The following CATSPERG variants were observed in gnomAD, a reference collection of about 807,000 sequenced individuals.
CATSPERG encodes the protein cation channel sperm-associated auxiliary subunit gamma.
CATSPERG carries 115 observed loss-of-function variants against 145.0 expected under a neutral mutation model. That is an observed-to-expected ratio of 0.79 (90% CI 0.68 to 0.93). The LOEUF (loss-of-function observed/expected upper bound fraction) is 0.93. Among genes scored for constraint, CATSPERG ranks in the 40% least tolerant of loss-of-function variants. CATSPERG has a pLI of 0.00. For synonymous variants in CATSPERG, 588 were observed against 589.0 expected (o/e 1.00, Z 0.02); for missense variants, 1,296 against 1,490.1 (o/e 0.87, Z 2.14).
intron 3 of CATSPERG, among the ~76,000 whole-genome samples, chr19:38,340,714 G>A (rs1333234842): frequency 6.6e-6 from 1 of 151,922 alleles, no homozygotes; most frequent in Non-Finnish European, 1.5e-5. Context: ...CGACCTCCTG[G>A]GCTGAAGTGA....
chr19:38,346,075 T>A (rs1233172405), intron 6 of CATSPERG, among the ~76,000 whole-genome samples: 1 of 151,666 alleles, frequency 6.6e-6, no homozygotes, highest in Non-Finnish European at 1.5e-5. Flanking sequence ...GCAACGGGAG[T>A]TGGGTCTGTG....
chr19:38,336,898 TG>T, intron 1 of CATSPERG: 1 of 439,612 alleles, frequency 2.3e-6, no homozygotes, highest in South Asian at 2.2e-5. Context: ...TTAGTAGGGC[TG>T]GGGCCCGGAG....
intron 4 of CATSPERG, 120 bp from the exon 5 acceptor site, chr19:38,343,873 G>T (rs1969979555): frequency 7.1e-7 from 1 of 1,417,576 alleles, no homozygotes; most frequent in Admixed American, 2.1e-5. Context: ...AGAGGCCCCA[G>T]TGGGACCCAT....
chr19:38,360,812 C>T lies in CATSPERG; in HGVS notation c.1849C>T (p.His617Tyr), dbSNP rs749162027. The T allele has an allele frequency of 1.3e-5, 21 of 1,607,014 alleles. No individual in the cohort carries two copies. The highest frequency in any genetic ancestry group is 1.7e-5 in the Admixed American group (1 of 58,316). ...PVEQLLMYQQ[H>Y]TSHYDLERKG... ...GGAGCAGCTTCTGATGTATCAACAG[C>T]ACACCAGCCACTATGACTTGGAGCG... Residue 617 changes from histidine (H) to tyrosine (Y), a missense_variant, in exon 16 of 29, where the codon CAC becomes TAC. His to Tyr is a moderately conservative substitution (Grantham distance 83, BLOSUM62 2). Coordinates refer to ENST00000409235, the MANE Select transcript of CATSPERG (RefSeq NM_021185.5).
chr19:38,346,835 G>A (rs1045406467), intron 7 of CATSPERG, among the ~76,000 whole-genome samples: 6 of 152,160 alleles, frequency 3.9e-5, no homozygotes, highest in African/African-American at 9.7e-5. Context: ...GCAGTTCAAC[G>A]ACCCGGTCTT....
intron 7 of CATSPERG, among the ~76,000 whole-genome samples, chr19:38,347,109 G>A (rs756388789): frequency 1.6e-4 from 25 of 152,186 alleles, no homozygotes; most frequent in Non-Finnish European, 3.7e-4. Context: ...TGCTCAGAAG[G>A]CTGAAGCAGG....
At chr19:38,354,674 C>G (rs751325046) in intron 8 of CATSPERG, 36 bp from the exon 9 acceptor site, 2 of 1,608,042 alleles carry the variant, frequency 1.2e-6, no homozygotes, top group Non-Finnish European at 8.5e-7. Flanking sequence ...CCAGATCCAA[C>G]CACCTGGGTC....
At position 38,337,494 on chromosome 19, in the gene CATSPERG, A is replaced by G. The variant is rs1402288039; in HGVS notation, c.260A>G (p.Asp87Gly). The G allele has an allele frequency of 6.4e-7, 1 of 1,551,966 alleles. No homozygotes were observed. The highest frequency in any genetic ancestry group is 1.2e-5 in the South Asian group (1 of 84,056). ...LFHMLVDSPI[D>G]PSEKYLGFPY... ...CACATGCTGGTGGACTCACCCATCG[A>G]CCCGAGCGAGGTGAGGGGACCAGGG... The change falls in exon 2 of 29, where the codon GAC becomes GGC. Residue 87 changes from aspartate (D) to glycine (G), a missense_variant. By Grantham distance (94) the Asp-to-Gly change is moderately conservative. Coordinates refer to ENST00000409235, the MANE Select transcript of CATSPERG (RefSeq NM_021185.5).
intron 25 of CATSPERG, 74 bp downstream of exon 25, chr19:38,367,850 C>T (rs1970481121): frequency 1.4e-6 from 2 of 1,418,356 alleles, no homozygotes; most frequent in African/African-American, 2.8e-5. Context: ...AAGCCAAGCC[C>T]ACCTCGCAAG....
At chr19:38,367,813 CTT>C in intron 25 of CATSPERG, 37 bp downstream of exon 25, 1 of 1,589,330 alleles carries the variant, frequency 6.3e-7, no homozygotes, top group Non-Finnish European at 8.6e-7. Context: ...ATCCACCTTG[CTT>C]CCCCTGGAGG....
intron 17 of CATSPERG, 131 bp downstream of exon 17, chr19:38,361,992 G>GGGGGGT: frequency 5.8e-6 from 2 of 347,386 alleles, no homozygotes; most frequent in Non-Finnish European, 1.1e-5. Context: ...GTGGGCGGGG[G>GGGGGGT]ACCTGGGGGC....
intron 7 of CATSPERG, among the ~76,000 whole-genome samples, chr19:38,348,021 T>G (rs1970069826): frequency 6.6e-6 from 1 of 152,064 alleles, no homozygotes; most frequent in Non-Finnish European, 1.5e-5. Flanking sequence ...GGATCCCACG[T>G]GGATTAGTAT....
In CATSPERG at chr19:38,356,941, T is replaced by C. The variant is rs1444819951; in HGVS notation, c.1315+80T>C. 1.1e-5 allele frequency: 17 copies of C among 1,560,224 alleles called. No homozygotes were observed. In the East Asian group the frequency reaches 2.7e-4, roughly 25 times the overall value. ...GACTGCATGCCCATCCTGAGGGATC[T>C]GTGCCCAGCAGACAGAGGGAGGGCA... On this transcript the variant is annotated intron_variant, in intron 11 of 28. Coordinates refer to ENST00000409235, the MANE Select transcript of CATSPERG (RefSeq NM_021185.5).
At chr19:38,348,474 T>G (rs938664869) in intron 7 of CATSPERG, among the ~76,000 whole-genome samples, 15 of 146,898 alleles carry the variant, frequency 1.0e-4, no homozygotes, top group African/African-American at 3.1e-4. Context: ...GTTTTTTTTT[T>G]TTGTTTTTTT....
At chr19:38,369,737 A>ATCTG in intron 26 of CATSPERG, 1 of 570,120 alleles carries the variant, frequency 1.8e-6, no homozygotes, top group South Asian at 1.9e-5. Flanking sequence ...GCACAGTGAC[A>ATCTG]GAGGAATTGA....
intron 23 of CATSPERG, 57 bp from the exon 24 acceptor site, chr19:38,367,452 A>G (rs1350358034): frequency 1.9e-6 from 3 of 1,585,524 alleles, no homozygotes; most frequent in Non-Finnish European, 1.7e-6. Flanking sequence ...CTCGGTCCTC[A>G]GCTTCTCGGG....
intron 9 of CATSPERG, 44 bp from the exon 10 acceptor site, chr19:38,356,440 C>CAGG: frequency 6.3e-7 from 1 of 1,597,470 alleles, no homozygotes; most frequent in Non-Finnish European, 8.6e-7. Flanking sequence ...GGCTGCCAGA[C>CAGG]AGGAGGGAGA....
chr19:38,368,072 G>C lies in CATSPERG; in HGVS notation c.2955G>C (p.Thr985=). The stretch of plus-strand genomic sequence containing the variant: ...GGACCAACAGCCTTATCTGGACCAC[G>C]AGGACCACAAGGACCACCAAAGACT... ...LDKTNSLIWT[T]RTTRTTKDSA... is the part of the protein sequence containing the mutation. Residue 985 remains threonine (T), a synonymous_variant, in exon 26 of 29, where the codon ACG becomes ACC. Coordinates refer to ENST00000409235, the MANE Select transcript of CATSPERG (RefSeq NM_021185.5). The C allele has an allele frequency of 6.2e-7, 1 of 1,614,104 alleles. No homozygotes were observed. The highest frequency in any genetic ancestry group is 8.5e-7 in the Non-Finnish European group (1 of 1,180,022).
At chr19:38,353,729 G>A (rs1373880382) in intron 8 of CATSPERG, among the ~76,000 whole-genome samples, 3 of 145,442 alleles carry the variant, frequency 2.1e-5, no homozygotes, top group East Asian at 2.1e-4. Context: ...AAGGCCAGGC[G>A]CGGTGGCTCA....
Sources: allele counts gnomAD v4.1 joint callset (sites outside exome capture counted in the v4.1 genomes callset), GRCh38; gene constraint gnomAD v4.1.1; transcripts MANE v1.5; gene names NCBI Gene and HGNC (gene_info 2026-07-23, HGNC 2026-07-21).